Variants in IFT74 observed in about 807,000 individuals in gnomAD.
The protein encoded by IFT74 is intraflagellar transport protein 74 homolog.
IFT74 carries 92 observed loss-of-function variants against 96.7 expected under a neutral mutation model. The observed-to-expected ratio is 0.95, with a 90% CI of 0.80 to 1.13. IFT74 has a LOEUF of 1.13. Among genes scored for constraint, IFT74 ranks in the 50% most tolerant of loss-of-function variants. IFT74 has a pLI of 0.00. For synonymous variants in IFT74, 223 were observed against 213.2 expected, an observed-to-expected ratio of 1.05 and a Z score of -0.40; for missense variants, 811 against 698.2, an observed-to-expected ratio of 1.16 and a Z score of -1.82.
chr9:26,972,430 G>A (rs1290733375), intron 2 of IFT74, among the ~76,000 whole-genome samples: 1 of 152,156 alleles, frequency 6.6e-6, no homozygotes, highest in Non-Finnish European at 1.5e-5. Context: ...GGAAGGCCAC[G>A]GGCTGCCGGT....
intron 13 of IFT74, among the ~76,000 whole-genome samples, chr9:27,040,464 G>A (rs138029794): frequency 7.9e-4 from 116 of 146,734 alleles, no homozygotes; most frequent in African/African-American, 2.6e-3. Context: ...TAGGAGAATC[G>A]CTTGAACCTG....
intron 8 of IFT74, chr9:26,995,451 A>T: frequency 1.2e-6 from 1 of 862,840 alleles, no homozygotes; most frequent in Non-Finnish European, 1.8e-6. Flanking sequence ...GTTATGTCAC[A>T]TAGCAAAATC....
chr9:26,949,028 G>A (rs1047197169), intron 1 of IFT74, among the ~76,000 whole-genome samples: 8 of 151,790 alleles, frequency 5.3e-5, no homozygotes, highest in African/African-American at 1.9e-4. Context: ...GTTCCTCTGG[G>A]GAACCAATGC....
chr9:27,010,891 A>G (rs10967660), intron 9 of IFT74, among the ~76,000 whole-genome samples: 5 of 152,230 alleles, frequency 3.3e-5, no homozygotes, highest in African/African-American at 1.2e-4. Flanking sequence ...GTTCCCTTTC[A>G]TGCCCAGATG....
At chr9:26,995,650 T>C in intron 8 of IFT74, 1 of 1,613,882 alleles carries the variant, frequency 6.2e-7, no homozygotes, top group Non-Finnish European at 8.5e-7. Flanking sequence ...CTGGTATCTG[T>C]GAAAGAGAGC....
intron 8 of IFT74, chr9:26,999,718 AG>A: frequency 6.8e-7 from 1 of 1,463,074 alleles, no homozygotes; most frequent in Non-Finnish European, 9.4e-7. Context: ...TAGAAAAGAG[AG>A]TATTTTCATT....
Position 27,060,607 on chromosome 9 carries a change from GA to G in IFT74, c.1643del (p.Lys548SerfsTer12), listed in dbSNP as rs893005735. On this transcript the variant is annotated frameshift_variant, in exon 19 of 20. Transcript: ENST00000380062. LOFTEE classifies it high-confidence loss of function. Reference protein sequence around the residue: ...ETHSQLTNLERKWQHLEQNNF... With the variant: ...ETHSQLTNLEXKWQHLEQNNF... The stretch of plus-strand genomic sequence containing the variant: ...TGTTTTTAGCTTACAAATTTGGAGA[GA>G]AAGTGGCAACACCTTGAGCAAAATA... 1.3e-6 allele frequency: 2 copies of G among 1,593,850 alleles called. No homozygotes were observed. The highest frequency in any genetic ancestry group is 1.7e-6 in the Non-Finnish European group (2 of 1,167,454).
chr9:27,052,805 G>T (rs1819990086), intron 16 of IFT74, among the ~76,000 whole-genome samples: 1 of 152,102 alleles, frequency 6.6e-6, no homozygotes, highest in African/African-American at 2.4e-5. Flanking sequence ...ACCATGAGAG[G>T]TTTATAATAT....
At chr9:27,053,162 T>G (rs1165099378) in intron 16 of IFT74, among the ~76,000 whole-genome samples, 7 of 15,016 alleles carry the variant, frequency 4.7e-4, no homozygotes, top group Non-Finnish European at 7.0e-4. Flanking sequence ...GCGCCTGGCC[T>G]TTTTTTTTTT....
At chr9:27,049,084 T>G (rs1819816794) in intron 16 of IFT74, among the ~76,000 whole-genome samples, 1 of 152,158 alleles carries the variant, frequency 6.6e-6, no homozygotes, top group African/African-American at 2.4e-5. Context: ...TTCTCTCTCT[T>G]GCCTTGTAAC....
At chr9:27,009,466 TATAA>T (rs1350558741) in intron 9 of IFT74, among the ~76,000 whole-genome samples, 1 of 152,218 alleles carries the variant, frequency 6.6e-6, no homozygotes, top group Non-Finnish European at 1.5e-5. Flanking sequence ...AATACTTGTC[TATAA>T]ATATTTGCAT....
intron 9 of IFT74, among the ~76,000 whole-genome samples, chr9:27,009,673 A>G (rs988829241): frequency 6.7e-6 from 1 of 149,164 alleles, no homozygotes; most frequent in Non-Finnish European, 1.5e-5. Context: ...CTCTGTCTCA[A>G]AAAAAAAAAG....
At chr9:27,045,548 T>C (rs1010851526) in intron 14 of IFT74, among the ~76,000 whole-genome samples, 2 of 152,220 alleles carry the variant, frequency 1.3e-5, no homozygotes, top group Non-Finnish European at 2.9e-5. Flanking sequence ...TAATTTTAGT[T>C]GCCTTTTGTT....
chr9:26,969,350 A>T (rs1004427465), intron 2 of IFT74, among the ~76,000 whole-genome samples: 2 of 151,194 alleles, frequency 1.3e-5, no homozygotes, highest in African/African-American at 4.9e-5. Flanking sequence ...TTTTTTTTAA[A>T]CTGTTTTTGA....
At chr9:26,948,352 C>T (rs902715369) in intron 1 of IFT74, among the ~76,000 whole-genome samples, 1 of 151,434 alleles carries the variant, frequency 6.6e-6, no homozygotes, top group Non-Finnish European at 1.5e-5. Flanking sequence ...TACCCCTTCT[C>T]TCCAGCCAAT....
rs766194280 is a variant in IFT74, at chr9:26,984,369, A to G, written c.404+14A>G. ...ATATGAAAAGAGGTGAGTAATAAGTATTCAGTATTCATTCAGTATTTTGTG... is the reference window on the plus strand; with the variant it reads ...ATATGAAAAGAGGTGAGTAATAAGTGTTCAGTATTCATTCAGTATTTTGTG... On this transcript the variant is annotated intron_variant, in intron 5 of 19. Coordinates refer to ENST00000380062, the MANE Select transcript of IFT74 (RefSeq NM_025103.4). The G allele has an allele frequency of 5.1e-6, 8 of 1,580,670 alleles. No homozygotes were observed. The highest frequency in any genetic ancestry group is 6.9e-6 in the Non-Finnish European group (8 of 1,161,006).
intron 8 of IFT74, among the ~76,000 whole-genome samples, chr9:27,007,050 G>GA (rs1295452270): frequency 6.6e-6 from 1 of 151,798 alleles, no homozygotes; most frequent in Non-Finnish European, 1.5e-5. Flanking sequence ...TGTTAGCAAG[G>GA]ATGGTCTCGA....
chr9:27,047,729 A>G (rs888086418), intron 15 of IFT74, among the ~76,000 whole-genome samples: 1 of 152,216 alleles, frequency 6.6e-6, no homozygotes, highest in Non-Finnish European at 1.5e-5. Flanking sequence ...AGAAAATGTT[A>G]ATGTATTTTT....
intron 19 of IFT74, among the ~76,000 whole-genome samples, chr9:27,061,592 C>T (rs1462752813): frequency 6.6e-6 from 1 of 151,162 alleles, no homozygotes; most frequent in Non-Finnish European, 1.5e-5. Flanking sequence ...TGTATCATCT[C>T]TAAAATCTCT....
Sources: allele counts gnomAD v4.1 joint callset (sites outside exome capture counted in the v4.1 genomes callset), GRCh38; gene constraint gnomAD v4.1.1; transcripts MANE v1.5; gene names NCBI Gene and HGNC (gene_info 2026-07-23, HGNC 2026-07-21).